KLHL32: variants seen among roughly 807,000 people sequenced by gnomAD.
KLHL32 encodes kelch-like protein 32.
In KLHL32, 35 loss-of-function variants were observed where a neutral mutation model predicts 64.8. The ratio of observed to expected loss-of-function variants is 0.54; its 90% CI spans 0.41 to 0.72. The LOEUF is 0.72. KLHL32 is among the 30% of genes least tolerant of loss of function. The pLI is 0.00. For missense variants in KLHL32, 589 were observed against 768.5 expected, an observed-to-expected ratio of 0.77 and a Z score of 2.76; for synonymous variants, 259 against 281.0, an observed-to-expected ratio of 0.92 and a Z score of 0.78.
intron 7 of KLHL32, among the ~76,000 whole-genome samples, chr6:97,125,983 TA>T (rs1798830656): frequency 6.6e-6 from 1 of 152,132 alleles, no homozygotes; most frequent in South Asian, 2.1e-4. Context: ...CTAAAGTAAG[TA>T]ATCTAAGAAA....
chr6:97,077,596 T>G (rs900214430), intron 5 of KLHL32, among the ~76,000 whole-genome samples: 1 of 152,174 alleles, frequency 6.6e-6, no homozygotes, highest in Non-Finnish European at 1.5e-5. Context: ...ATTTCCCAAT[T>G]GTATGAAAAA....
At chr6:97,056,938 G>T (rs888713817) in intron 4 of KLHL32, among the ~76,000 whole-genome samples, 1 of 152,118 alleles carries the variant, frequency 6.6e-6, no homozygotes, top group African/African-American at 2.4e-5. Flanking sequence ...CATGAAAACT[G>T]CCAGAGACAA....
In KLHL32 at chr6:97,130,651, A is replaced by G. The variant is rs534443136; in HGVS notation, c.1414-106A>G. 2.4e-5 allele frequency: 18 copies of G among 763,116 alleles called. No homozygotes were observed. In the East Asian group the frequency reaches 4.0e-4, roughly 17 times the overall value. The allele number at this position is 763,116 out of a possible 1,614,324, so 47.3% of individuals were successfully genotyped here. On this transcript the variant is annotated intron_variant, in intron 8 of 10. Transcript: ENST00000369261. ...CAACATTCAAACAGAATGTTGATCTATTGATTGATAAACATTAGGGTTCTC... is the reference window on the plus strand; with the variant it reads ...CAACATTCAAACAGAATGTTGATCTGTTGATTGATAAACATTAGGGTTCTC...
intron 3 of KLHL32, among the ~76,000 whole-genome samples, chr6:96,984,054 C>T (rs112443045): frequency 0.011 from 1,696 of 152,194 alleles, 41 homozygotes; most frequent in African/African-American, 0.039. Context: ...GCTTTGAATG[C>T]GTCCCAGAGA....
chr6:96,995,087 A>G (rs1303354265), intron 3 of KLHL32, among the ~76,000 whole-genome samples: 3 of 152,190 alleles, frequency 2.0e-5, no homozygotes, highest in Non-Finnish European at 2.9e-5. Flanking sequence ...TCATCTATAC[A>G]TTGATAATCA....
the KLHL32 span, among the ~76,000 whole-genome samples, chr6:96,902,142 A>G: frequency 6.6e-6 from 1 of 152,210 alleles, no homozygotes. Flanking sequence ...TTCTGCCTCT[A>G]GGTTTCTGGG....
intron 3 of KLHL32, among the ~76,000 whole-genome samples, chr6:97,035,385 AC>A (rs1477545196): frequency 6.6e-6 from 1 of 152,090 alleles, no homozygotes; most frequent in Non-Finnish European, 1.5e-5. Flanking sequence ...TTACAGTGTT[AC>A]ATTATTATAT....
chr6:97,127,917 G>A (rs540502935), intron 8 of KLHL32, among the ~76,000 whole-genome samples: 7 of 152,276 alleles, frequency 4.6e-5, no homozygotes, highest in Non-Finnish European at 7.4e-5. Flanking sequence ...TCTAACAGCT[G>A]GGGGTTGAAT....
intron 4 of KLHL32, among the ~76,000 whole-genome samples, chr6:97,046,258 C>T (rs1215416754): frequency 6.6e-6 from 1 of 152,188 alleles, no homozygotes; most frequent in Non-Finnish European, 1.5e-5. Flanking sequence ...TGTGACCCCA[C>T]TTGAAAGATG....
upstream of KLHL32, among the ~76,000 whole-genome samples, chr6:96,922,565 A>G (rs1489147680): frequency 6.6e-6 from 1 of 152,200 alleles, no homozygotes; most frequent in Non-Finnish European, 1.5e-5. Context: ...AAACAGGAAC[A>G]ATGTATATTT....
At chr6:97,063,838 C>T (rs1220780627) in intron 4 of KLHL32, among the ~76,000 whole-genome samples, 2 of 152,180 alleles carry the variant, frequency 1.3e-5, no homozygotes, top group Non-Finnish European at 2.9e-5. Context: ...TGGGGCATCA[C>T]TAAAGGCCTC....
chr6:96,928,128 G>T (rs1582359226), intron 1 of KLHL32, among the ~76,000 whole-genome samples: 1 of 152,134 alleles, frequency 6.6e-6, no homozygotes, highest in East Asian at 1.9e-4. Flanking sequence ...TGTTACAATG[G>T]AAATATAAGA....
chr6:96,915,653 T>TA, the KLHL32 span, among the ~76,000 whole-genome samples: 4 of 150,160 alleles, frequency 2.7e-5, no homozygotes, highest in African/African-American at 4.9e-5. Context: ...ATCCATGGAG[T>TA]AAAAAAAAAA....
At chr6:96,989,357 AGCTGAGTTTG>A (rs1454276734) in intron 3 of KLHL32, among the ~76,000 whole-genome samples, 1 of 152,218 alleles carries the variant, frequency 6.6e-6, no homozygotes, top group Non-Finnish European at 1.5e-5. Flanking sequence ...TCACTTATGA[AGCTGAGTTTG>A]GCTGGATATG....
intron 8 of KLHL32, among the ~76,000 whole-genome samples, chr6:97,129,095 T>A (rs1446697678): frequency 2.6e-5 from 4 of 152,226 alleles, no homozygotes. Context: ...TATGTTCAAA[T>A]GGGGGAACAG....
At chr6:97,085,050 A>G (rs1246470273) in intron 5 of KLHL32, 76 bp from the exon 6 acceptor site, 3 of 1,273,096 alleles carry the variant, frequency 2.4e-6, no homozygotes, top group African/African-American at 1.5e-5. Context: ...TAGTGAGTCA[A>G]TCTGAATTTC....
chr6:97,095,285 G>A (rs1794822029), intron 6 of KLHL32, among the ~76,000 whole-genome samples: 1 of 152,184 alleles, frequency 6.6e-6, no homozygotes, highest in African/African-American at 2.4e-5. Flanking sequence ...CTGGGACTAT[G>A]TACTCTTTGG....
intron 3 of KLHL32, among the ~76,000 whole-genome samples, chr6:97,017,659 T>C (rs761127): frequency 0.082 from 12,412 of 152,134 alleles, 1,072 homozygotes; most frequent in Admixed American, 0.22. Flanking sequence ...GGCCAGCCAA[T>C]TTAGGTTTCT....
Position 96,967,035 on chromosome 6 carries a change from G to C in KLHL32, c.-26G>C. On this transcript the variant is annotated 5_prime_UTR_variant, in exon 2 of 11. Coordinates refer to ENST00000369261, the MANE Select transcript of KLHL32 (RefSeq NM_052904.4). ...GATTCCTCTGCACACTTCTAAGGCT[G>C]AGAACCTGAGGAACCCAGCTGGAAA... is the stretch of plus-strand genomic sequence containing the variant. 1.2e-6 allele frequency: 2 copies of C among 1,612,330 alleles called. No individual in the cohort carries two copies. The highest frequency in any genetic ancestry group is 1.7e-6 in the Non-Finnish European group (2 of 1,178,648).
Sources: gnomAD v4.1 joint callset for allele counts (sites outside exome capture counted in the v4.1 genomes callset) on GRCh38, gnomAD v4.1.1 for gene constraint, MANE v1.5 for transcripts, NCBI Gene and HGNC (gene_info 2026-07-23, HGNC 2026-07-21) for gene names.